The following TSPAN15 variants were observed in gnomAD, a reference collection of about 807,000 sequenced individuals.
The protein encoded by TSPAN15 is tetraspanin 15, also known as tetraspanin-15.
In TSPAN15, 20 loss-of-function variants were observed where a neutral mutation model predicts 34.5. The ratio of observed to expected loss-of-function variants is 0.58; its 90% CI spans 0.41 to 0.84. The LOEUF (loss-of-function observed/expected upper bound fraction) is 0.84. TSPAN15 is among the 40% of genes least tolerant of loss of function. TSPAN15 has a pLI of 0.00. For synonymous variants in TSPAN15, 155 were observed against 153.9 expected (o/e 1.01, Z -0.05); for missense variants, 313 against 386.1 (o/e 0.81, Z 1.59).
rs1373216401 is a variant in TSPAN15 at position 69,506,534 on chromosome 10, C to T, written c.735+294C>T. Among the ~76,000 whole-genome samples the T allele has an allele frequency of 6.6e-6, 1 of 152,152 alleles. No homozygotes were observed. The highest frequency in any genetic ancestry group is 2.4e-5 in the African/African-American group (1 of 41,446). ...AGCTTCAGTGACTTGCCAAGATCCC[C>T]TAGATAGTGTGCAGCAGAGCTGGGG... is the stretch of plus-strand genomic sequence containing the variant. On this transcript the variant is annotated intron_variant, in intron 7 of 7. Coordinates refer to ENST00000373290, the MANE Select transcript of TSPAN15 (RefSeq NM_012339.5). This position sits in a 1 kb window ranked among gnomAD's most constrained non-coding sequence, Gnocchi z 4.7.
At chr10:69,509,217 C>T (rs1254054886), downstream of TSPAN15, among the ~76,000 whole-genome samples, 3 of 152,160 alleles carry the variant, frequency 2.0e-5, no homozygotes. Flanking sequence ...TTTCCAGCAC[C>T]ACTCACAGAC....
At chr10:69,483,021 C>T (rs1455628072) in intron 1 of TSPAN15, among the ~76,000 whole-genome samples, 2 of 152,126 alleles carry the variant, frequency 1.3e-5, no homozygotes, top group South Asian at 2.1e-4. Context: ...CCGAGTCTCG[C>T]TCTGTTGCCC....
chr10:69,539,421 A>G, the TSPAN15 span, among the ~76,000 whole-genome samples: 327 of 117,072 alleles, frequency 2.8e-3, 11 homozygotes, highest in South Asian at 3.4e-3. Flanking sequence ...AAGAGGAAGA[A>G]GAAGAAAGAA....
the TSPAN15 span, among the ~76,000 whole-genome samples, chr10:69,537,337 A>AATG: frequency 4.6e-4 from 70 of 152,320 alleles, no homozygotes; most frequent in African/African-American, 1.5e-3. Context: ...ATTTCTACTG[A>AATG]ATGTGCATTG....
the TSPAN15 span, among the ~76,000 whole-genome samples, chr10:69,533,810 A>G: frequency 6.6e-6 from 1 of 152,228 alleles, no homozygotes; most frequent in Admixed American, 6.5e-5. Flanking sequence ...GTCTTTGCGT[A>G]CTGAGTGCTC....
chr10:69,492,818 C>T (rs1841996406), intron 3 of TSPAN15, among the ~76,000 whole-genome samples: 1 of 152,190 alleles, frequency 6.6e-6, no homozygotes, highest in Non-Finnish European at 1.5e-5. Flanking sequence ...AGAGTCCAAA[C>T]AGCACAGTGG....
At chr10:69,504,508 C>A (rs775167349) in intron 6 of TSPAN15, 23 bp downstream of exon 6, 1 of 1,613,548 alleles carries the variant, frequency 6.2e-7, no homozygotes, top group Admixed American at 1.7e-5. Flanking sequence ...AAATGCCTTT[C>A]CCTGGAAATG....
At chr10:69,518,455 C>T in the TSPAN15 span, among the ~76,000 whole-genome samples, 99 of 152,294 alleles carry the variant, frequency 6.5e-4, no homozygotes, top group Non-Finnish European at 1.0e-3. Context: ...GACAGAATCT[C>T]GCTCTGTCAC....
the TSPAN15 span, among the ~76,000 whole-genome samples, chr10:69,545,424 T>C: frequency 1.3e-5 from 2 of 152,212 alleles, no homozygotes; most frequent in African/African-American, 4.8e-5. Flanking sequence ...GGGGCACCCC[T>C]AAGTCCTCAG....
intron 5 of TSPAN15, among the ~76,000 whole-genome samples, chr10:69,504,181 G>A (rs911774222): frequency 2.7e-5 from 4 of 148,982 alleles, no homozygotes; most frequent in African/African-American, 1.0e-4. Context: ...CTGATCTGCT[G>A]CTAGTGGAGG....
At chr10:69,518,831 A>C in the TSPAN15 span, among the ~76,000 whole-genome samples, 4 of 152,190 alleles carry the variant, frequency 2.6e-5, no homozygotes, top group Non-Finnish European at 4.4e-5. Context: ...CATGGTATCT[A>C]TGAGTTTCCT....
exon 8 of TSPAN15, chr10:69,507,651 G>GTT (rs398014021): frequency 2.8e-3 from 2,858 of 1,006,630 alleles, no homozygotes; most frequent in East Asian, 6.1e-3. Flanking sequence ...ATAAAAACAT[G>GTT]TTTTTTTTTT....
chr10:69,469,108 A>G (rs1841453135), intron 1 of TSPAN15, among the ~76,000 whole-genome samples: 2 of 147,800 alleles, frequency 1.4e-5, no homozygotes, highest in African/African-American at 2.6e-5. Flanking sequence ...AGCTCTATGT[A>G]AAACTTTTTT....
At chr10:69,500,428 GATTGATTGATGATAAGGA>G (rs1842181371) in intron 5 of TSPAN15, among the ~76,000 whole-genome samples, 2 of 152,204 alleles carry the variant, frequency 1.3e-5, no homozygotes, top group Admixed American at 1.3e-4. Flanking sequence ...GAAAGAGAGG[GATTGATTGATGATAAGGA>G]ATTGGCTTGT....
At chr10:69,516,781 A>G in the TSPAN15 span, among the ~76,000 whole-genome samples, 1 of 152,174 alleles carries the variant, frequency 6.6e-6, no homozygotes, top group Non-Finnish European at 1.5e-5. Flanking sequence ...TCGTTTTTGT[A>G]TGGTCAGTCT....
intron 3 of TSPAN15, among the ~76,000 whole-genome samples, chr10:69,494,149 C>T (rs891070140): frequency 1.3e-5 from 2 of 152,226 alleles, no homozygotes; most frequent in Non-Finnish European, 1.5e-5. Context: ...ACATCGCTCT[C>T]TGGGCTGCAG....
chr10:69,470,846 G>C (rs1841489752), intron 1 of TSPAN15, among the ~76,000 whole-genome samples: 1 of 152,066 alleles, frequency 6.6e-6, no homozygotes, highest in South Asian at 2.1e-4. Flanking sequence ...CTCCTGATCA[G>C]CCCACTGCCT....
At chr10:69,539,533 A>AAGGAGAAGG in the TSPAN15 span, among the ~76,000 whole-genome samples, 22 of 48,272 alleles carry the variant, frequency 4.6e-4, no homozygotes, top group African/African-American at 8.6e-4. Flanking sequence ...GAAGAAGAAG[A>AAGGAGAAGG]AGAAGGAGAA....
downstream of TSPAN15, chr10:69,507,702 C>T (rs1490756216): frequency 9.4e-6 from 11 of 1,169,258 alleles, no homozygotes; most frequent in Admixed American, 4.0e-5. Context: ...TTTGTTGGGG[C>T]GGGGGTAAGG....
Sources: gnomAD v4.1 joint callset for allele counts (sites outside exome capture counted in the v4.1 genomes callset) on GRCh38, gnomAD v4.1.1 for gene constraint, Gnocchi (gnomAD v3.1) non-coding constraint, MANE v1.5 for transcripts, NCBI Gene and HGNC (gene_info 2026-07-23, HGNC 2026-07-21) for gene names.